KIAA1549L: variants seen among roughly 807,000 people sequenced by gnomAD.
KIAA1549L encodes UPF0606 protein KIAA1549L.
KIAA1549L carries 88 observed loss-of-function variants against 160.7 expected under a neutral mutation model. The ratio of observed to expected loss-of-function variants is 0.55; its 90% confidence interval spans 0.46 to 0.65. KIAA1549L has a LOEUF of 0.65. Among genes scored for constraint, KIAA1549L ranks in the 30% least tolerant of loss-of-function variants. The probability of loss-of-function intolerance (pLI) is 0.00; values close to 1 mark genes in which losing one functional copy is unlikely to be tolerated. For missense variants in KIAA1549L, 2,258 were observed against 2,437.5 expected, an observed-to-expected ratio of 0.93 and a Z score of 1.55; for synonymous variants, 950 against 976.7, an observed-to-expected ratio of 0.97 and a Z score of 0.51.
At chr11:33,395,565 CTT>C (rs1243606796) in intron 1 of KIAA1549L, among the ~76,000 whole-genome samples, 2 of 151,784 alleles carry the variant, frequency 1.3e-5, no homozygotes, top group African/African-American at 2.4e-5. Context: ...AGAAGGAAGG[CTT>C]TATTTTTTAT....
At chr11:33,580,591 AG>A (rs1420462552) in intron 10 of KIAA1549L, among the ~76,000 whole-genome samples, 139 of 144,268 alleles carry the variant, frequency 9.6e-4, no homozygotes, top group Non-Finnish European at 1.6e-3. Flanking sequence ...AAAAAAAAAA[AG>A]AAAAGAAAAG....
At chr11:33,490,730 T>C (rs1049325564) in intron 1 of KIAA1549L, among the ~76,000 whole-genome samples, 3 of 152,212 alleles carry the variant, frequency 2.0e-5, no homozygotes, top group Admixed American at 6.5e-5. Context: ...CAGTTAGAAA[T>C]GTTAGCAGGG....
At chr11:33,474,363 A>G (rs1053798989) in intron 1 of KIAA1549L, among the ~76,000 whole-genome samples, 1 of 152,236 alleles carries the variant, frequency 6.6e-6, no homozygotes, top group Non-Finnish European at 1.5e-5. Context: ...CATTGATCAC[A>G]TTCAGTCGTA....
intron 1 of KIAA1549L, among the ~76,000 whole-genome samples, chr11:33,482,037 CTT>C (rs1298014620): frequency 6.6e-6 from 1 of 152,212 alleles, no homozygotes; most frequent in Non-Finnish European, 1.5e-5. Context: ...AGTTTTATAA[CTT>C]TCCCTAAGTC....
intron 6 of KIAA1549L, among the ~76,000 whole-genome samples, chr11:33,557,163 A>C (rs1854677743): frequency 6.6e-6 from 1 of 151,632 alleles, no homozygotes; most frequent in South Asian, 2.1e-4. Context: ...ATTTTTTTCT[A>C]TTTTTTGTAG....
intron 12 of KIAA1549L, among the ~76,000 whole-genome samples, chr11:33,597,830 G>A (rs538322525): frequency 6.6e-6 from 1 of 152,320 alleles, no homozygotes; most frequent in Admixed American, 6.5e-5. Context: ...GGGAGGAGGG[G>A]GAGCCTGGCT....
chr11:33,461,808 G>A (rs910087196), intron 1 of KIAA1549L, among the ~76,000 whole-genome samples: 2 of 152,208 alleles, frequency 1.3e-5, no homozygotes, highest in Non-Finnish European at 2.9e-5. Context: ...TTTTGCAGAT[G>A]TAGAAATTGA....
Position 33,380,170 on chromosome 11 carries a change from C to T in KIAA1549L, c.238+3281C>T, listed in dbSNP as rs558316545. Reference sequence around the variant, plus strand: ...GGGGCTTCCCCAGGCCCTCCTCTGCCGGCTGAAGGGCTCTGAGCGGCTGTG... The same window carrying T: ...GGGGCTTCCCCAGGCCCTCCTCTGCTGGCTGAAGGGCTCTGAGCGGCTGTG... On this transcript the variant is annotated intron_variant, in intron 1 of 20. Transcript: ENST00000658780. 5.6e-4 allele frequency among the ~76,000 whole-genome samples: 85 copies of T among 152,278 alleles called. No individual in the cohort carries two copies. In the South Asian group the frequency reaches 5.8e-3, roughly 10 times the overall value.
At chr11:33,519,641 A>G (rs1183954828) in intron 1 of KIAA1549L, among the ~76,000 whole-genome samples, 2 of 152,252 alleles carry the variant, frequency 1.3e-5, no homozygotes, top group Non-Finnish European at 2.9e-5. Context: ...ACTGAACAAG[A>G]AGGGTGTAAA....
At chr11:33,579,467 A>G (rs1029065954) in intron 10 of KIAA1549L, among the ~76,000 whole-genome samples, 1 of 152,042 alleles carries the variant, frequency 6.6e-6, no homozygotes. Context: ...TCTCTGTATT[A>G]TATGGGTTCT....
chr11:33,509,766 G>A (rs1209640995), intron 1 of KIAA1549L, among the ~76,000 whole-genome samples: 1 of 152,166 alleles, frequency 6.6e-6, no homozygotes, highest in Non-Finnish European at 1.5e-5. Context: ...AGGACATGGT[G>A]TGATTTGTGT....
chr11:33,525,688 T>C (rs1358761804), intron 1 of KIAA1549L, among the ~76,000 whole-genome samples: 1 of 151,880 alleles, frequency 6.6e-6, no homozygotes, highest in Non-Finnish European at 1.5e-5. Context: ...ACAGCCCCAC[T>C]TGCTTTCTTG....
At chr11:33,649,238 G>T (rs1851810763) in intron 17 of KIAA1549L, among the ~76,000 whole-genome samples, 1 of 151,430 alleles carries the variant, frequency 6.6e-6, no homozygotes. Context: ...CCAAGGCTGG[G>T]CTTTGTGGCT....
intron 13 of KIAA1549L, among the ~76,000 whole-genome samples, chr11:33,600,975 A>C (rs1850344586): frequency 6.6e-6 from 1 of 151,934 alleles, no homozygotes; most frequent in African/African-American, 2.4e-5. Flanking sequence ...CCTGCTCTAG[A>C]TGTCCCTGCT....
intron 10 of KIAA1549L, among the ~76,000 whole-genome samples, chr11:33,579,555 C>T (rs10836077): frequency 6.6e-6 from 1 of 151,850 alleles, no homozygotes; most frequent in African/African-American, 2.4e-5. Flanking sequence ...AGATTCAGCT[C>T]CCACTTACTA....
chr11:33,581,069 T>G (rs1855626262), intron 10 of KIAA1549L, among the ~76,000 whole-genome samples: 1 of 152,096 alleles, frequency 6.6e-6, no homozygotes, highest in Non-Finnish European at 1.5e-5. Flanking sequence ...AGCAGAGTCG[T>G]AGCTGTGAGG....
chr11:33,472,438 A>G (rs1195279335), intron 1 of KIAA1549L, among the ~76,000 whole-genome samples: 2 of 152,016 alleles, frequency 1.3e-5, no homozygotes, highest in African/African-American at 4.8e-5. Flanking sequence ...TTTTAAGGAC[A>G]CTTCCTGGGA....
At chr11:33,568,716 G>A (rs1428396247) in intron 9 of KIAA1549L, among the ~76,000 whole-genome samples, 1 of 152,152 alleles carries the variant, frequency 6.6e-6, no homozygotes, top group African/African-American at 2.4e-5. Context: ...TGGACACCTG[G>A]CCACGTAGAG....
chr11:33,563,585 A>T (rs1854949135), intron 8 of KIAA1549L, among the ~76,000 whole-genome samples: 1 of 151,900 alleles, frequency 6.6e-6, no homozygotes, highest in Admixed American at 6.6e-5. Context: ...CTGCTCAAGA[A>T]CTCTTCTAAA....
Sources: allele counts gnomAD v4.1 joint callset (sites outside exome capture counted in the v4.1 genomes callset), GRCh38; gene constraint gnomAD v4.1.1; transcripts MANE v1.5; gene names NCBI Gene and HGNC (gene_info 2026-07-23, HGNC 2026-07-21).